Variants in RIMBP2 observed in about 807,000 individuals in gnomAD.
RIMBP2 encodes the protein RIMS-binding protein 2.
In RIMBP2, 48 loss-of-function variants were observed where a neutral mutation model predicts 118.6. The ratio of observed to expected loss-of-function variants is 0.40; its 90% CI spans 0.32 to 0.51. The LOEUF is 0.51. Among genes scored for constraint, RIMBP2 ranks in the 20% least tolerant of loss-of-function variants. The pLI, the probability that RIMBP2 is intolerant of heterozygous loss-of-function variation, is 0.41. For missense variants in RIMBP2, 1,551 were observed against 1,768.3 expected, an observed-to-expected ratio of 0.88 and a Z score of 2.20; for synonymous variants, 762 against 742.9, an observed-to-expected ratio of 1.03 and a Z score of -0.42.
At position 130,424,976 on chromosome 12, in the gene RIMBP2, G is replaced by C. The variant is rs546729424; in HGVS notation, c.2413-118C>G. ...TTAGTCCTGGAGGCACCGAGGGGGG[G>C]GAAGCATGCGTCTACTCAGGCCGGG... On this transcript the variant is annotated intron_variant, in intron 15 of 22. Transcript: ENST00000690449. This position sits in a 1 kb window ranked among gnomAD's most constrained non-coding sequence, Gnocchi z 9.8. 3 of 513,336 alleles carry C rather than the reference G, an allele frequency of 5.8e-6. No homozygotes were observed. Among genetic ancestry groups the C allele is most frequent in the South Asian group, 1.1e-4 (1 of 9,338 alleles). The allele number at this position is 513,336 out of a possible 1,614,324, so 31.8% of individuals were successfully genotyped here. A position where few individuals can be genotyped will look rare whatever the true frequency, so the allele number is the denominator to read the frequency against.
chr12:130,534,865 G>A (rs1024140842), intron 2 of RIMBP2, among the ~76,000 whole-genome samples: 1 of 152,236 alleles, frequency 6.6e-6, no homozygotes, highest in African/African-American at 2.4e-5. Context: ...GTGTCTATCT[G>A]TCTAGGAAAC....
intron 11 of RIMBP2, among the ~76,000 whole-genome samples, chr12:130,440,428 C>T (rs1398064708): frequency 1.3e-5 from 2 of 152,172 alleles, no homozygotes; most frequent in African/African-American, 4.8e-5. Context: ...ACTCTGAGAC[C>T]TCATTCCCAG....
At chr12:130,558,636 G>A (rs1441179150) in intron 2 of RIMBP2, among the ~76,000 whole-genome samples, 1 of 152,212 alleles carries the variant, frequency 6.6e-6, no homozygotes, top group East Asian at 1.9e-4. Flanking sequence ...AATGCAGCCA[G>A]CCTGTGGTGT....
intron 2 of RIMBP2, among the ~76,000 whole-genome samples, chr12:130,584,741 C>CATCACTATCACAACCATTACATA (rs2058769988): frequency 8.1e-6 from 1 of 123,718 alleles, no homozygotes; most frequent in African/African-American, 3.8e-5. Flanking sequence ...ACCATTACAT[C>CATCACTATCACAACCATTACATA]ATCATCACTA....
rs2061000524 is a variant in RIMBP2 at position 130,617,214 on chromosome 12, C to A, written c.-217+11108G>T. Among the ~76,000 whole-genome samples, 1 of 148,524 alleles carries A rather than the reference C, an allele frequency of 6.7e-6. No individual in the cohort carries two copies. The highest frequency in any genetic ancestry group is 6.7e-5 in the Admixed American group (1 of 14,950). On this transcript the variant is annotated intron_variant, in intron 2 of 22. Transcript: ENST00000690449. The surrounding 1 kb of genome is among the most constrained non-coding windows in gnomAD (Gnocchi z 4.6). ...CCCGAGTTAGTGCTGCCACCTCCAT[C>A]CAGCACACAAGGGATGCAAGGCTTA...
intron 1 of RIMBP2, among the ~76,000 whole-genome samples, chr12:130,630,593 A>C (rs2061934110): frequency 6.6e-6 from 1 of 152,210 alleles, no homozygotes; most frequent in Non-Finnish European, 1.5e-5. Context: ...AGTGCTCTGC[A>C]ACACAGATGA....
At chr12:130,691,508 A>G (rs967199611) in intron 1 of RIMBP2, among the ~76,000 whole-genome samples, 24 of 152,150 alleles carry the variant, frequency 1.6e-4, no homozygotes, top group African/African-American at 5.3e-4. Context: ...CATCTCTCCA[A>G]AAAAAATACA....
chr12:130,426,993 G>A (rs1443220127), intron 15 of RIMBP2: 1 of 152,508 alleles, frequency 6.6e-6, no homozygotes, highest in Non-Finnish European at 1.5e-5. Flanking sequence ...TGTCACCTGG[G>A]AGCGGGGACG....
At chr12:130,476,651 G>C (rs113281248) in intron 5 of RIMBP2, among the ~76,000 whole-genome samples, 7 of 152,166 alleles carry the variant, frequency 4.6e-5, no homozygotes, top group African/African-American at 1.7e-4. Context: ...CGGCGTGGTG[G>C]GTGTCATCTG....
intron 6 of RIMBP2, among the ~76,000 whole-genome samples, chr12:130,460,529 G>T (rs1303268956): frequency 1.3e-5 from 2 of 152,126 alleles, no homozygotes; most frequent in Non-Finnish European, 2.9e-5. Flanking sequence ...GTTGGTATTA[G>T]TATTAATAGC....
chr12:130,499,982 C>T (rs1266842149), intron 4 of RIMBP2, among the ~76,000 whole-genome samples: 3 of 152,146 alleles, frequency 2.0e-5, no homozygotes, highest in African/African-American at 7.2e-5. Context: ...GGCACATGTG[C>T]AAGTTTGTTA....
chr12:130,625,900 A>C (rs2061592576), intron 2 of RIMBP2, among the ~76,000 whole-genome samples: 1 of 152,168 alleles, frequency 6.6e-6, no homozygotes, highest in Admixed American at 6.5e-5. Flanking sequence ...AAAAAATTAC[A>C]ACTAATAACC....
At chr12:130,695,011 C>T (rs1359454011) in intron 1 of RIMBP2, among the ~76,000 whole-genome samples, 1 of 152,200 alleles carries the variant, frequency 6.6e-6, no homozygotes, top group African/African-American at 2.4e-5. Context: ...CCGTCAGTGT[C>T]GCTCCCATTA....
chr12:130,623,068 C>T lies in RIMBP2; in HGVS notation c.-217+5254G>A, dbSNP rs2140864134. Among the ~76,000 whole-genome samples, 1 of 152,300 alleles carries T rather than the reference C, an allele frequency of 6.6e-6. No homozygotes were observed. Among genetic ancestry groups the T allele is most frequent in the African/African-American group, 2.4e-5 (1 of 41,566 alleles). On this transcript the variant is annotated intron_variant, in intron 2 of 22. Transcript: ENST00000690449. This position sits in a 1 kb window ranked among gnomAD's most constrained non-coding sequence, Gnocchi z 4.1. ...ATATTTGCCAAGCATCTGTAGTGTA[C>T]AAAATCAGGTTGCTGGGCTACTTAC...
At chr12:130,478,026 G>GC (rs150640821) in intron 5 of RIMBP2, among the ~76,000 whole-genome samples, 413 of 152,322 alleles carry the variant, frequency 2.7e-3, no homozygotes, top group African/African-American at 9.7e-3. Flanking sequence ...GGCACCCCAA[G>GC]CCCATAGGCT....
At chr12:130,540,276 G>A (rs2054486167) in intron 2 of RIMBP2, among the ~76,000 whole-genome samples, 1 of 152,176 alleles carries the variant, frequency 6.6e-6, no homozygotes, top group South Asian at 2.1e-4. Flanking sequence ...GATGAGAAGG[G>A]CACTGGGCAG....
At chr12:130,561,202 G>A (rs2056796729) in intron 2 of RIMBP2, among the ~76,000 whole-genome samples, 2 of 152,188 alleles carry the variant, frequency 1.3e-5, no homozygotes, top group East Asian at 1.9e-4. Flanking sequence ...CCTTGATCTC[G>A]GATTTCCAGC....
intron 1 of RIMBP2, among the ~76,000 whole-genome samples, chr12:130,675,455 C>G (rs1037085729): frequency 7.2e-5 from 11 of 152,194 alleles, no homozygotes; most frequent in African/African-American, 2.4e-4. Context: ...TCTGTCCCTG[C>G]TGGGTTCCTG....
chr12:130,571,416 A>C (rs1335863272), intron 2 of RIMBP2, among the ~76,000 whole-genome samples: 1 of 104,298 alleles, frequency 9.6e-6, no homozygotes. Context: ...CCATAGTAAC[A>C]TTTTTTTTTT....
Sources: gnomAD v4.1 joint callset for allele counts (sites outside exome capture counted in the v4.1 genomes callset) on GRCh38, gnomAD v4.1.1 for gene constraint, Gnocchi (gnomAD v3.1) non-coding constraint, MANE v1.5 for transcripts, NCBI Gene and HGNC (gene_info 2026-07-23, HGNC 2026-07-21) for gene names.